GEMIN2: variants seen among roughly 807,000 people sequenced by gnomAD.
GEMIN2 encodes gem-associated protein 2.
A neutral mutation model predicts 45.8 loss-of-function variants in GEMIN2; 37 were observed. That is an observed-to-expected ratio of 0.81 (90% confidence interval 0.62 to 1.06). GEMIN2 has a LOEUF of 1.06. Among genes scored for constraint, GEMIN2 ranks in the 50% least tolerant of loss-of-function variants. The pLI is 0.00. For synonymous variants in GEMIN2, 101 were observed against 111.5 expected (o/e 0.91, Z 0.60); for missense variants, 335 against 321.8 (o/e 1.04, Z -0.31).
chr14:39,136,395 C>T (rs1193452548), intron 9 of GEMIN2, 45 bp from the exon 10 acceptor site: 1 of 961,898 alleles, frequency 1.0e-6, no homozygotes, highest in East Asian at 2.4e-5. Flanking sequence ...AATAGTGCTA[C>T]AGTTAATATC....
intron 9 of GEMIN2, among the ~76,000 whole-genome samples, chr14:39,134,907 T>C (rs1007726175): frequency 1.3e-5 from 2 of 152,252 alleles, no homozygotes; most frequent in African/African-American, 4.8e-5. Context: ...TGAGATGATA[T>C]AGCATTGCCC....
rs529870997 is a variant in GEMIN2 at position 39,119,733 on chromosome 14, G to A, written c.372+1134G>A. On this transcript the variant is annotated intron_variant, in intron 4 of 9. Coordinates refer to ENST00000308317, the MANE Select transcript of GEMIN2 (RefSeq NM_003616.3). ...CGAAAGCTGAGAGATTCAGTATATG[G>A]CATCTCTGTATGCTTCTGCATACCA... Among the ~76,000 whole-genome samples, 5 of 152,300 alleles carry A rather than the reference G, an allele frequency of 3.3e-5. No homozygotes were observed. The South Asian group carries it at 8.3e-4, about 25-fold the overall frequency.
chr14:39,118,208 A>G, intron 3 of GEMIN2, 120 bp downstream of exon 3: 1 of 504,974 alleles, frequency 2.0e-6, no homozygotes, highest in Non-Finnish European at 3.5e-6. Flanking sequence ...ATTAATTACC[A>G]AATTATTTTT....
chr14:39,136,585 T>C lies in GEMIN2; in HGVS notation c.*106T>C, dbSNP rs868349490. 4 of 849,854 alleles carry C rather than the reference T, an allele frequency of 4.7e-6. No homozygotes were observed. The highest frequency in any genetic ancestry group is 2.2e-4 in the Middle Eastern group (1 of 4,504). The allele number at this position is 849,854 out of a possible 1,614,324, so 52.6% of individuals were successfully genotyped here. ...AGATTTCAACACATCTTCAACACTA[T>C]GTGAAGGGTTCACATCTTAACCTGT... On this transcript the variant is annotated 3_prime_UTR_variant, in exon 10 of 10. Transcript: ENST00000308317.
At chr14:39,117,891 T>C (rs904585826) in intron 2 of GEMIN2, 108 bp from the exon 3 acceptor site, 2 of 503,846 alleles carry the variant, frequency 4.0e-6, no homozygotes, top group Non-Finnish European at 7.1e-6. Flanking sequence ...TTGTATAATC[T>C]TTATTTTATT....
Position 39,122,387 on chromosome 14 carries a change from A to C in GEMIN2, c.373-43A>C, listed in dbSNP as rs760726088. 3.9e-6 allele frequency: 4 copies of C among 1,023,196 alleles called. No individual in the cohort carries two copies. The Admixed American group carries it at 8.5e-5, about 22-fold the overall frequency. 63.4% of individuals were successfully genotyped at this position (1,023,196 alleles called of 1,614,324 possible). ...TTTTTTTTTACTGTTCAGTGTAAAA[A>C]TTAATACACAGGAATAAATCAGTTT... is the stretch of plus-strand genomic sequence containing the variant. On this transcript the variant is annotated intron_variant, in intron 4 of 9. Transcript: ENST00000308317.
intron 2 of GEMIN2, among the ~76,000 whole-genome samples, chr14:39,115,299 G>GT (rs2052488587): frequency 6.6e-6 from 1 of 152,168 alleles, no homozygotes. Context: ...CACCCAAAGC[G>GT]TTGGGATCAC....
At chr14:39,128,684 T>A (rs1377053629) in intron 7 of GEMIN2, among the ~76,000 whole-genome samples, 4 of 151,834 alleles carry the variant, frequency 2.6e-5, no homozygotes, top group African/African-American at 7.3e-5. Flanking sequence ...TTGTTTTTTT[T>A]ATTAGAGACA....
At chr14:39,116,410 CTTT>C (rs71130815) in intron 2 of GEMIN2, among the ~76,000 whole-genome samples, 3 of 133,078 alleles carry the variant, frequency 2.3e-5, no homozygotes, top group Non-Finnish European at 1.6e-5. Flanking sequence ...ATTTCTTTTT[CTTT>C]TTTTTTTTTT....
In GEMIN2 at chr14:39,128,333, CTT is replaced by C. The variant is rs1311205603; in HGVS notation, c.587_588del (p.Phe196TyrfsTer16). 1 of 1,562,202 alleles carries C rather than the reference CTT, an allele frequency of 6.4e-7. No individual in the cohort carries two copies. The highest frequency in any genetic ancestry group is 1.4e-5 in the African/African-American group (1 of 73,326). ...TGAGTAATTGGTTTGGAGAAAGAGACTTTACTCCAGAATTGGTAGTATTGCAT... is the reference window on the plus strand; with the variant it reads ...TGAGTAATTGGTTTGGAGAAAGAGACTACTCCAGAATTGGTAGTATTGCAT... ...YLSNWFGERD[F>X]TPELGRWLYA... On this transcript the variant is annotated frameshift_variant, in exon 7 of 10. Coordinates refer to ENST00000308317, the MANE Select transcript of GEMIN2 (RefSeq NM_003616.3). LOFTEE classifies it high-confidence loss of function.
chr14:39,122,883 C>T (rs1261414217), intron 5 of GEMIN2, among the ~76,000 whole-genome samples: 2 of 152,006 alleles, frequency 1.3e-5, no homozygotes, highest in Non-Finnish European at 2.9e-5. Context: ...CTTCATATCC[C>T]TTATGTTTGG....
intron 2 of GEMIN2, among the ~76,000 whole-genome samples, chr14:39,115,932 C>G (rs553016681): frequency 6.6e-6 from 1 of 152,202 alleles, no homozygotes; most frequent in African/African-American, 2.4e-5. Context: ...AGAGAGTAAA[C>G]AAGCAAACAA....
chr14:39,132,440 A>G (rs1359971210), intron 8 of GEMIN2, among the ~76,000 whole-genome samples: 1 of 152,010 alleles, frequency 6.6e-6, no homozygotes. Context: ...CTGAGGCAGG[A>G]GAATCGTTCG....
intron 9 of GEMIN2, chr14:39,134,484 A>G (rs1038335174): frequency 6.6e-6 from 1 of 152,196 alleles, no homozygotes; most frequent in African/African-American, 2.4e-5. Context: ...TTTTTGTTCC[A>G]TAGATCAGTG....
chr14:39,129,818 T>C (rs1859007645), intron 7 of GEMIN2, among the ~76,000 whole-genome samples: 1 of 151,592 alleles, frequency 6.6e-6, no homozygotes, highest in Non-Finnish European at 1.5e-5. Context: ...CACTAGAATG[T>C]AAATCAACAT....
chr14:39,129,939 T>G (rs1292329978), intron 7 of GEMIN2, among the ~76,000 whole-genome samples: 17 of 130,016 alleles, frequency 1.3e-4, no homozygotes, highest in East Asian at 4.4e-4. Context: ...AGTTTGTTTT[T>G]TTTTTTTTTT....
intron 8 of GEMIN2, among the ~76,000 whole-genome samples, chr14:39,133,110 C>T (rs1594521684): frequency 6.9e-6 from 1 of 145,722 alleles, no homozygotes; most frequent in African/African-American, 2.5e-5. Flanking sequence ...TGTGTCTTGA[C>T]TGTACAGTGA....
Position 39,121,642 on chromosome 14 carries a change from T to C in GEMIN2, c.373-788T>C, listed in dbSNP as rs567769498. ...GACTAGGTGGATTAAACAACAGAAA[T>C]GTATTTATTTTCTCAGTCTTGAAGG... On this transcript the variant is annotated intron_variant, in intron 4 of 9. Transcript: ENST00000308317. Among the ~76,000 whole-genome samples, 3 of 152,294 alleles carry C rather than the reference T, an allele frequency of 2.0e-5. No individual in the cohort carries two copies. The South Asian group carries it at 6.2e-4, about 32-fold the overall frequency.
At chr14:39,130,175 T>C (rs1457559262) in intron 7 of GEMIN2, among the ~76,000 whole-genome samples, 1 of 151,996 alleles carries the variant, frequency 6.6e-6, no homozygotes, top group Non-Finnish European at 1.5e-5. Context: ...AGTTGAAACA[T>C]ATAATTTTTT....
Sources: allele counts gnomAD v4.1 joint callset (sites outside exome capture counted in the v4.1 genomes callset), GRCh38; gene constraint gnomAD v4.1.1; transcripts MANE v1.5; gene names NCBI Gene and HGNC (gene_info 2026-07-23, HGNC 2026-07-21).